The following ALDH1A2 variants were observed in gnomAD, a reference collection of about 807,000 sequenced individuals.
The protein encoded by ALDH1A2 is retinal dehydrogenase 2.
A neutral mutation model predicts 60.3 loss-of-function variants in ALDH1A2; 27 were observed. The observed-to-expected ratio is 0.45, with a 90% confidence interval of 0.33 to 0.62. The LOEUF (loss-of-function observed/expected upper bound fraction) is 0.62. Among genes scored for constraint, ALDH1A2 ranks in the 20% least tolerant of loss-of-function variants. The probability of loss-of-function intolerance (pLI) is 0.02; values close to 1 mark genes in which losing one functional copy is unlikely to be tolerated. For synonymous variants in ALDH1A2, 289 were observed against 232.4 expected (o/e 1.24, Z -2.21); for missense variants, 581 against 643.8 (o/e 0.90, Z 1.06).
intron 7 of ALDH1A2, among the ~76,000 whole-genome samples, chr15:57,973,623 A>G (rs1894142891): frequency 6.6e-6 from 1 of 152,204 alleles, no homozygotes; most frequent in Admixed American, 6.5e-5. Context: ...TGCCTGTGAA[A>G]ATTCTCCATC....
chr15:58,013,885 C>G lies in ALDH1A2; in HGVS notation c.336G>C (p.Leu112Phe), dbSNP rs140453054. ...RGRLLDKLAD[L>F]VERDRAVLAT... ...CAAGAACTGCCCTGTCCCGTTCCAC[C>G]AAGTCTGCAAGCTTATCCAACAGAC... Residue 112 changes from leucine (L) to phenylalanine (F), a missense_variant, in exon 3 of 13, where the codon TTG becomes TTC. Leu to Phe is a conservative substitution (Grantham distance 22). Transcript: ENST00000249750. 7 of 1,614,048 alleles carry G rather than the reference C, an allele frequency of 4.3e-6. No individual in the cohort carries two copies. The African/African-American group carries it at 8.0e-5, about 18-fold the overall frequency.
At chr15:58,031,995 C>T (rs1478771743) in intron 1 of ALDH1A2, among the ~76,000 whole-genome samples, 3 of 152,162 alleles carry the variant, frequency 2.0e-5, no homozygotes, top group Non-Finnish European at 2.9e-5. Context: ...CCCAGCCACC[C>T]CATTACTGGG....
intron 1 of ALDH1A2, among the ~76,000 whole-genome samples, chr15:58,027,447 TG>T (rs1896111189): frequency 6.6e-6 from 1 of 152,086 alleles, no homozygotes; most frequent in Non-Finnish European, 1.5e-5. Context: ...AAGAGAAACC[TG>T]AGCAGAAAAG....
chr15:58,026,062 T>C (rs1258279659), intron 1 of ALDH1A2, among the ~76,000 whole-genome samples: 1 of 152,162 alleles, frequency 6.6e-6, no homozygotes, highest in Non-Finnish European at 1.5e-5. Flanking sequence ...GGGAATTCTC[T>C]CTAAATCATT....
chr15:57,988,778 T>C (rs528150918), intron 7 of ALDH1A2, among the ~76,000 whole-genome samples: 1 of 152,382 alleles, frequency 6.6e-6, no homozygotes, highest in Admixed American at 6.5e-5. Context: ...CCAAGCTGCC[T>C]TGCAATAAGC....
intron 1 of ALDH1A2, chr15:58,058,134 T>C: frequency 7.0e-7 from 1 of 1,429,530 alleles, no homozygotes; most frequent in Non-Finnish European, 9.5e-7. Flanking sequence ...TTTCAGTTGT[T>C]CTCCATAAAT....
At chr15:58,001,478 G>A (rs1490056632) in intron 4 of ALDH1A2, among the ~76,000 whole-genome samples, 2 of 151,898 alleles carry the variant, frequency 1.3e-5, no homozygotes, top group Non-Finnish European at 2.9e-5. Context: ...AACATTCCCT[G>A]GAATAGGTGA....
At chr15:57,984,477 T>C (rs1259422950) in intron 7 of ALDH1A2, among the ~76,000 whole-genome samples, 1 of 152,208 alleles carries the variant, frequency 6.6e-6, no homozygotes, top group Non-Finnish European at 1.5e-5. Flanking sequence ...TACTTCTATC[T>C]GAGGACATAA....
At position 58,050,486 on chromosome 15, in the gene ALDH1A2, A is replaced by T. The variant is rs995624964; in HGVS notation, c.117+15048T>A. ...TAAAAAACTAATTCATTATTTACTT[A>T]ATCTTCAAATTTCACTAAAAATCAT... On this transcript the variant is annotated intron_variant, in intron 1 of 12. Coordinates refer to ENST00000249750, the MANE Select transcript of ALDH1A2 (RefSeq NM_003888.4). Among the ~76,000 whole-genome samples, 3 of 152,302 alleles carry T rather than the reference A, an allele frequency of 2.0e-5. No homozygotes were observed. In the East Asian group the frequency reaches 5.8e-4, roughly 29 times the overall value.
At chr15:58,062,187 T>C (rs1470978739) in intron 1 of ALDH1A2, among the ~76,000 whole-genome samples, 1 of 152,158 alleles carries the variant, frequency 6.6e-6, no homozygotes, top group Non-Finnish European at 1.5e-5. Context: ...CCTCCCTGTG[T>C]TTCAGCCCCA....
chr15:58,046,618 C>T (rs1896645842), intron 1 of ALDH1A2, among the ~76,000 whole-genome samples: 1 of 151,984 alleles, frequency 6.6e-6, no homozygotes, highest in African/African-American at 2.4e-5. Context: ...GCTTTGTTTC[C>T]TCCTCCGTAA....
Position 57,965,840 on chromosome 15 carries a change from A to G in ALDH1A2, c.799-13T>C. ...TAAGCTTTCCAACCTGAAAGAAGGGAAATGGAGACAGGTTTTGCAAATCCT... is the reference window on the plus strand; with the variant it reads ...TAAGCTTTCCAACCTGAAAGAAGGGGAATGGAGACAGGTTTTGCAAATCCT... On this transcript the variant is annotated splice_polypyrimidine_tract_variant and intron_variant, in intron 7 of 12. Coordinates refer to ENST00000249750, the MANE Select transcript of ALDH1A2 (RefSeq NM_003888.4). The G allele has an allele frequency of 6.2e-7, 1 of 1,609,870 alleles. No individual in the cohort carries two copies. Among genetic ancestry groups the G allele is most frequent in the African/African-American group, 1.3e-5 (1 of 74,976 alleles).
intron 7 of ALDH1A2, among the ~76,000 whole-genome samples, chr15:57,982,132 T>A (rs1239572864): frequency 6.6e-6 from 1 of 152,120 alleles, no homozygotes; most frequent in African/African-American, 2.4e-5. Context: ...TCAACACTAT[T>A]GCATTGTAGA....
intron 1 of ALDH1A2, among the ~76,000 whole-genome samples, chr15:58,030,416 A>G (rs1216677600): frequency 1.3e-5 from 2 of 152,188 alleles, no homozygotes; most frequent in Admixed American, 6.5e-5. Context: ...ATTTATGACA[A>G]ACTCACAGCC....
chr15:58,057,995 G>C (rs1226717390), intron 1 of ALDH1A2: 2 of 1,327,644 alleles, frequency 1.5e-6, no homozygotes, highest in African/African-American at 1.5e-5. Context: ...GTAAAACATA[G>C]ATGAGGCAGA....
At chr15:58,006,617 G>C (rs1187416829) in intron 4 of ALDH1A2, among the ~76,000 whole-genome samples, 1 of 151,284 alleles carries the variant, frequency 6.6e-6, no homozygotes. Flanking sequence ...GATTGTACTA[G>C]TTTACATTCC....
At chr15:58,016,423 C>T (rs1260305977) in intron 1 of ALDH1A2, among the ~76,000 whole-genome samples, 1 of 152,158 alleles carries the variant, frequency 6.6e-6, no homozygotes, top group African/African-American at 2.4e-5. Context: ...CAGGCGTGAG[C>T]CACTGCACCC....
intron 7 of ALDH1A2, among the ~76,000 whole-genome samples, chr15:57,970,188 G>C (rs1267531931): frequency 6.6e-6 from 1 of 152,228 alleles, no homozygotes; most frequent in Non-Finnish European, 1.5e-5. Context: ...TGCACTGAAT[G>C]ATGGAAAAAC....
chr15:57,988,831 C>T (rs1288470441), intron 7 of ALDH1A2, among the ~76,000 whole-genome samples: 4 of 152,214 alleles, frequency 2.6e-5, no homozygotes, highest in African/African-American at 7.2e-5. Context: ...CTTGTCTGGC[C>T]TGAAAGAGGA....
Sources: gnomAD v4.1 joint callset for allele counts (sites outside exome capture counted in the v4.1 genomes callset) on GRCh38, gnomAD v4.1.1 for gene constraint, MANE v1.5 for transcripts, NCBI Gene and HGNC (gene_info 2026-07-23, HGNC 2026-07-21) for gene names.